Variants in PCNX1 observed in about 807,000 individuals in gnomAD.
PCNX1 encodes the protein pecanex 1, also known as pecanex-like protein 1.
Under a neutral mutation model 242.2 loss-of-function variants are expected in PCNX1, and 78 were observed. The observed-to-expected ratio is 0.32, with a 90% CI of 0.27 to 0.39. The LOEUF (loss-of-function observed/expected upper bound fraction) is 0.39, where lower values mean the gene tolerates loss of function less well. PCNX1 is among the 10% of genes least tolerant of loss of function. The pLI, the probability that PCNX1 is intolerant of heterozygous loss-of-function variation, is 1.00. For synonymous variants in PCNX1, 1,024 were observed against 1,032.9 expected, an observed-to-expected ratio of 0.99 and a Z score of 0.17; for missense variants, 2,581 against 2,856.5, an observed-to-expected ratio of 0.90 and a Z score of 2.20.
chr14:71,011,526 G>C lies in PCNX1; in HGVS notation c.2755G>C (p.Val919Leu). ...TDSHVSSSTS[V>L]RFYPHDVLSL... is the part of the protein sequence containing the mutation. ...TTCTCATGTATCCAGTTCTACCTCA[G>C]TTCGATTTTATCCACATGATGTGGT... The change falls in exon 10 of 36, where the codon GTT becomes CTT. Residue 919 changes from valine (V) to leucine (L), a missense_variant. Transcript: ENST00000304743. The C allele has an allele frequency of 1.9e-6, 3 of 1,570,176 alleles. No homozygotes were observed. In the South Asian group the frequency reaches 3.4e-5, roughly 18 times the overall value.
intron 25 of PCNX1, among the ~76,000 whole-genome samples, chr14:71,057,219 A>G (rs1173468140): frequency 6.6e-6 from 1 of 152,212 alleles, no homozygotes. Context: ...TTGAATAATT[A>G]CGAACTGTTG....
chr14:70,980,136 T>C (rs1052966822), intron 6 of PCNX1, among the ~76,000 whole-genome samples: 1 of 152,104 alleles, frequency 6.6e-6, no homozygotes, highest in Non-Finnish European at 1.5e-5. Flanking sequence ...AATATTGCTG[T>C]TCTGAATATT....
At chr14:71,063,676 GC>G (rs2061378611) in intron 26 of PCNX1, among the ~76,000 whole-genome samples, 1 of 152,110 alleles carries the variant, frequency 6.6e-6, no homozygotes, top group Non-Finnish European at 1.5e-5. Context: ...ATTTGGATCT[GC>G]TGAGCATTTT....
intron 31 of PCNX1, 63 bp from the exon 32 acceptor site, chr14:71,103,332 T>G: frequency 6.5e-7 from 1 of 1,545,630 alleles, no homozygotes; most frequent in Admixed American, 1.7e-5. Context: ...ATTTCTGCTC[T>G]TCTGTTTCTG....
In PCNX1 at chr14:71,051,168, C is replaced by CAA. The variant is rs758181078; in HGVS notation, c.4447+437_4447+438dup. Among the ~76,000 whole-genome samples, 262 of 41,764 alleles carry CAA rather than the reference C, an allele frequency of 6.3e-3. 11 individuals carry two copies. The highest frequency in any genetic ancestry group is 9.7e-3 in the East Asian group (14 of 1,436). The allele number at this position is 41,764 out of a possible 152,430, so 27.4% of individuals were successfully genotyped here. On this transcript the variant is annotated intron_variant, in intron 23 of 35. Transcript: ENST00000304743. ...GGGCAACGAGAGCAAAACTCTGTCTCAAAAAAAAAAAAAAAAAAAAAAAAA... is the reference window on the plus strand; with the variant it reads ...GGGCAACGAGAGCAAAACTCTGTCTCAAAAAAAAAAAAAAAAAAAAAAAAAAA...
intron 28 of PCNX1, among the ~76,000 whole-genome samples, chr14:71,086,038 A>C (rs1388103898): frequency 6.6e-6 from 1 of 152,014 alleles, no homozygotes; most frequent in Non-Finnish European, 1.5e-5. Flanking sequence ...TTCATTTTGC[A>C]TAGTTTCTCT....
chr14:71,007,174 A>G (rs1333730501), intron 8 of PCNX1, among the ~76,000 whole-genome samples: 1 of 151,288 alleles, frequency 6.6e-6, no homozygotes, highest in African/African-American at 2.4e-5. Flanking sequence ...AATTTTTCCA[A>G]CTGTCTGTTT....
At position 71,108,709 on chromosome 14, in the gene PCNX1, C is replaced by T; in HGVS notation, c.6407C>T (p.Ser2136Leu). The change falls in exon 34 of 36, where the codon TCA becomes TTA. Residue 2136 changes from serine to leucine, a missense_variant. This residue lies in a region of PCNX1 where 432 missense variants were observed against 433.6 expected (regional missense o/e 1.00). Transcript: ENST00000304743. Reference sequence around the variant, plus strand: ...TCCTACTGCTATAGCAGCCGGCATTCATCCCTCCGGATGTCCACCACTGGG... The same window carrying T: ...TCCTACTGCTATAGCAGCCGGCATTTATCCCTCCGGATGTCCACCACTGGG... ...QSSYCYSSRH[S>L]SLRMSTTGFV... The T allele has an allele frequency of 6.2e-7, 1 of 1,614,252 alleles. No homozygotes were observed. The highest frequency in any genetic ancestry group is 8.5e-7 in the Non-Finnish European group (1 of 1,180,042).
chr14:71,021,096 C>T lies in PCNX1; in HGVS notation c.3150+1934C>T, dbSNP rs182488156. Reference sequence around the variant, plus strand: ...AGATGTGTGGTGTTATTTCTGAGGCCTCTGTTCTGTTCCATTGGTCTTTAT... The same window carrying T: ...AGATGTGTGGTGTTATTTCTGAGGCTTCTGTTCTGTTCCATTGGTCTTTAT... On this transcript the variant is annotated intron_variant, in intron 12 of 35. Coordinates refer to ENST00000304743, the MANE Select transcript of PCNX1 (RefSeq NM_014982.3). 2.1e-4 allele frequency among the ~76,000 whole-genome samples: 32 copies of T among 152,150 alleles called. No homozygotes were observed. In the East Asian group the frequency reaches 6.2e-3, roughly 29 times the overall value.
At chr14:70,949,448 T>TACA in intron 2 of PCNX1, among the ~76,000 whole-genome samples, 1 of 151,724 alleles carries the variant, frequency 6.6e-6, no homozygotes, top group South Asian at 2.1e-4. Flanking sequence ...TGTATATATG[T>TACA]ATAATATACA....
intron 25 of PCNX1, among the ~76,000 whole-genome samples, 165 bp downstream of exon 25, chr14:71,055,727 C>T (rs889015239): frequency 6.6e-6 from 1 of 152,140 alleles, no homozygotes; most frequent in Non-Finnish European, 1.5e-5. Flanking sequence ...ATATAAATTA[C>T]AGTATCTACA....
Position 71,089,309 on chromosome 14 carries a change from C to G in PCNX1, c.5556C>G (p.Val1852=). The change falls in exon 30 of 36, where the codon GTC becomes GTG. Residue 1852 remains valine, a synonymous_variant. Transcript: ENST00000304743. ...TGGAATTGCTAAGAAAAGTAGTAGT[C>G]CCTGGGATCCGTATGTCCATTAAAC... The part of the protein sequence containing the change: ...ADMELLRKVV[V]PGIRMSIKLH... 6.2e-7 allele frequency: 1 copy of G among 1,612,522 alleles called. No individual in the cohort carries two copies. The highest frequency in any genetic ancestry group is 2.2e-5 in the East Asian group (1 of 44,840).
At chr14:71,104,073 A>G (rs767423516) in intron 32 of PCNX1, among the ~76,000 whole-genome samples, 14 of 152,164 alleles carry the variant, frequency 9.2e-5, no homozygotes, top group Non-Finnish European at 2.1e-4. Flanking sequence ...TAGGGGGAGC[A>G]CTCTGTACAC....
chr14:71,034,761 A>G (rs2060483656), intron 18 of PCNX1, among the ~76,000 whole-genome samples: 1 of 152,186 alleles, frequency 6.6e-6, no homozygotes, highest in African/African-American at 2.4e-5. Context: ...TTTTTTTCAG[A>G]AACTTTAGAA....
At chr14:70,912,798 C>T (rs1481783537) in intron 1 of PCNX1, among the ~76,000 whole-genome samples, 2 of 152,264 alleles carry the variant, frequency 1.3e-5, no homozygotes, top group South Asian at 2.1e-4. Context: ...TGCAGTTTTC[C>T]CACTGTGCTG....
intron 2 of PCNX1, among the ~76,000 whole-genome samples, chr14:70,954,628 C>T (rs1462981102): frequency 6.6e-6 from 1 of 152,032 alleles, no homozygotes; most frequent in Non-Finnish European, 1.5e-5. Flanking sequence ...TTTTGTTTTT[C>T]CCCCTAAAAT....
chr14:70,990,898 T>G (rs11847244), intron 7 of PCNX1, among the ~76,000 whole-genome samples: 19,089 of 152,154 alleles, frequency 0.13, 1,538 homozygotes, highest in African/African-American at 0.22. Flanking sequence ...CCTCTTCTTT[T>G]TGCCCCTTGA....
chr14:71,043,340 T>C (rs2060765604), intron 19 of PCNX1, among the ~76,000 whole-genome samples: 1 of 152,232 alleles, frequency 6.6e-6, no homozygotes, highest in African/African-American at 2.4e-5. Context: ...GATGTCTGTA[T>C]TTCCTCTAAG....
chr14:70,988,730 C>G, intron 7 of PCNX1, 31 bp downstream of exon 7: 1 of 1,601,716 alleles, frequency 6.2e-7, no homozygotes, highest in Non-Finnish European at 8.5e-7. Context: ...CCAAGTTTAG[C>G]ATGCATGTAA....
Sources: gnomAD v4.1 joint callset for allele counts (sites outside exome capture counted in the v4.1 genomes callset) on GRCh38, gnomAD v4.1.1 for gene constraint, gnomAD v4.1.1 regional missense constraint, MANE v1.5 for transcripts, NCBI Gene and HGNC (gene_info 2026-07-23, HGNC 2026-07-21) for gene names.